Variants in CACNA1B observed in about 807,000 individuals in gnomAD.
CACNA1B encodes calcium voltage-gated channel subunit alpha1 B, also known as voltage-dependent N-type calcium channel subunit alpha-1B.
In CACNA1B, 70 loss-of-function variants were observed where a neutral mutation model predicts 247.2. The ratio of observed to expected loss-of-function variants is 0.28; its 90% confidence interval spans 0.23 to 0.35. The LOEUF (loss-of-function observed/expected upper bound fraction) is 0.35. Ranked by LOEUF, CACNA1B falls within the 10% of genes least tolerant of loss-of-function variation. The pLI is 1.00. For synonymous variants in CACNA1B, 1,231 were observed against 1,294.4 expected (o/e 0.95, Z 1.05); for missense variants, 2,367 against 3,197.4 (o/e 0.74, Z 6.26).
chr9:138,081,099 A>G (rs1370220382), intron 36 of CACNA1B, among the ~76,000 whole-genome samples: 3 of 152,178 alleles, frequency 2.0e-5, no homozygotes, highest in Admixed American at 2.0e-4. Flanking sequence ...CTGGTGCTGT[A>G]AGAACCAGCA....
intron 39 of CACNA1B, among the ~76,000 whole-genome samples, chr9:138,106,940 T>G (rs1411115756): frequency 6.6e-6 from 1 of 152,174 alleles, no homozygotes; most frequent in Non-Finnish European, 1.5e-5. Context: ...ACTCAAAGGC[T>G]GAGGCACATC....
Position 137,957,167 on chromosome 9 carries a change from C to T in CACNA1B, c.1243+340C>T, listed in dbSNP as rs981386116. 6.6e-6 allele frequency among the ~76,000 whole-genome samples: 1 copy of T among 152,238 alleles called. No homozygotes were observed. Among genetic ancestry groups the T allele is most frequent in the African/African-American group, 2.4e-5 (1 of 41,464 alleles). On this transcript the variant is annotated intron_variant, in intron 9 of 46. Coordinates refer to ENST00000371372, the MANE Select transcript of CACNA1B (RefSeq NM_000718.4). The surrounding 1 kb of genome is among the most constrained non-coding windows in gnomAD (Gnocchi z 4.7). ...GCACTAGTTACCAGCATAGCTGCAG[C>T]AGCAGGAAGGCTGCCCTCTCTGCAC...
chr9:138,048,763 G>A (rs1336714644), intron 23 of CACNA1B, among the ~76,000 whole-genome samples: 1 of 152,172 alleles, frequency 6.6e-6, no homozygotes, highest in Non-Finnish European at 1.5e-5. Flanking sequence ...TGTCATCCAG[G>A]CTGGAGTATG....
chr9:138,060,906 T>C (rs954855064), intron 31 of CACNA1B, among the ~76,000 whole-genome samples: 3 of 152,036 alleles, frequency 2.0e-5, no homozygotes, highest in Non-Finnish European at 4.4e-5. Flanking sequence ...CTGATGTTCA[T>C]CATCCCGTCC....
chr9:137,922,494 C>G (rs1957498807), intron 6 of CACNA1B, among the ~76,000 whole-genome samples: 1 of 152,058 alleles, frequency 6.6e-6, no homozygotes, highest in Non-Finnish European at 1.5e-5. Context: ...CGGACTGTTG[C>G]GTTTGATAAG....
intron 10 of CACNA1B, among the ~76,000 whole-genome samples, chr9:137,962,022 A>G (rs1410868051): frequency 6.6e-6 from 1 of 151,958 alleles, no homozygotes; most frequent in Non-Finnish European, 1.5e-5. Context: ...GCTTTTTTTG[A>G]TTGGTAGGCT....
chr9:137,881,950 C>T lies in CACNA1B; in HGVS notation c.391-794C>T, dbSNP rs560942015. ...GAGCTGTGGAAGCCTTGCCTGCAGG[C>T]GCCACGCCCTCTGGGAGGCTCCCTG... On this transcript the variant is annotated intron_variant, in intron 2 of 46. Transcript: ENST00000371372. This position sits in a 1 kb window ranked among gnomAD's most constrained non-coding sequence, Gnocchi z 4.3. Among the ~76,000 whole-genome samples the T allele has an allele frequency of 3.9e-5, 6 of 152,298 alleles. No individual in the cohort carries two copies. The highest frequency in any genetic ancestry group is 3.9e-4 in the East Asian group (2 of 5,180).
At chr9:137,989,703 T>A (rs1958409679) in intron 15 of CACNA1B, among the ~76,000 whole-genome samples, 1 of 152,108 alleles carries the variant, frequency 6.6e-6, no homozygotes, top group South Asian at 2.1e-4. Flanking sequence ...ACAGCTGTGG[T>A]TTAAGCGTGA....
rs570615909 is a variant in CACNA1B, at chr9:138,072,990, G to A, written c.4675-498G>A. 6.6e-6 allele frequency among the ~76,000 whole-genome samples: 1 copy of A among 152,362 alleles called. No homozygotes were observed. Among genetic ancestry groups the A allele is most frequent in the South Asian group, 2.1e-4 (1 of 4,830 alleles). On this transcript the variant is annotated intron_variant, in intron 32 of 46. Transcript: ENST00000371372. This position sits in a 1 kb window ranked among gnomAD's most constrained non-coding sequence, Gnocchi z 4.5. ...CTGCCAGGTCCCAGCGAGGGTCCCA[G>A]GCAAGCGAGGGCTTTGCTGACTGAG...
chr9:137,889,706 C>G (rs1375950837), intron 3 of CACNA1B, among the ~76,000 whole-genome samples: 4 of 148,704 alleles, frequency 2.7e-5, no homozygotes, highest in Non-Finnish European at 6.1e-5. Context: ...CATCGGGCCT[C>G]CATGTCCGTG....
At position 137,882,159 on chromosome 9, in the gene CACNA1B, CG is replaced by C. The variant is rs1211852121; in HGVS notation, c.391-581del. On this transcript the variant is annotated intron_variant, in intron 2 of 46. Transcript: ENST00000371372. The surrounding 1 kb of genome is among the most constrained non-coding windows in gnomAD (Gnocchi z 4.0). ...CCCGGGTGCATGTTGAATGCATAAA[CG>C]GGGCCTGGACTGAGTTCAAGAAAGC... Among the ~76,000 whole-genome samples, 1 of 152,140 alleles carries C rather than the reference CG, an allele frequency of 6.6e-6. No homozygotes were observed. The highest frequency in any genetic ancestry group is 1.9e-4 in the East Asian group (1 of 5,184).
In CACNA1B at chr9:137,984,126, A is replaced by G. The variant is rs766392655; in HGVS notation, c.1657-12A>G. ...ATACGGTGCACCCAAGGCTAATGCC[A>G]TCCCGTTGCAGGTCATCGTGGGGAG... On this transcript the variant is annotated splice_polypyrimidine_tract_variant and intron_variant, in intron 12 of 46. Transcript: ENST00000371372. 6.3e-7 allele frequency: 1 copy of G among 1,579,540 alleles called. No homozygotes were observed. The highest frequency in any genetic ancestry group is 8.6e-7 in the Non-Finnish European group (1 of 1,161,216).
intron 10 of CACNA1B, among the ~76,000 whole-genome samples, chr9:137,968,520 C>T (rs1453104049): frequency 6.6e-6 from 1 of 152,234 alleles, no homozygotes; most frequent in Non-Finnish European, 1.5e-5. Flanking sequence ...ATTAGGGCCT[C>T]CATCAGCTCG....
rs1230868429 is a variant in CACNA1B, at chr9:137,957,145, C to T, written c.1243+318C>T. ...GGCCCCACTGCTGTGGTTGCTGGCACTAGTTACCAGCATAGCTGCAGCAGC... is the reference window on the plus strand; with the variant it reads ...GGCCCCACTGCTGTGGTTGCTGGCATTAGTTACCAGCATAGCTGCAGCAGC... On this transcript the variant is annotated intron_variant, in intron 9 of 46. Coordinates refer to ENST00000371372, the MANE Select transcript of CACNA1B (RefSeq NM_000718.4). This position sits in a 1 kb window ranked among gnomAD's most constrained non-coding sequence, Gnocchi z 4.7. Among the ~76,000 whole-genome samples the T allele has an allele frequency of 1.3e-5, 2 of 152,228 alleles. No individual in the cohort carries two copies. The highest frequency in any genetic ancestry group is 3.9e-4 in the East Asian group (2 of 5,190).
intron 20 of CACNA1B, among the ~76,000 whole-genome samples, chr9:138,038,748 C>G (rs1010976070): frequency 6.6e-6 from 1 of 152,216 alleles, no homozygotes; most frequent in Non-Finnish European, 1.5e-5. Flanking sequence ...TCTGGAAGCC[C>G]GTCTCACCTC....
intron 10 of CACNA1B, among the ~76,000 whole-genome samples, chr9:137,968,560 C>T (rs991704220): frequency 6.6e-6 from 1 of 152,248 alleles, no homozygotes; most frequent in Non-Finnish European, 1.5e-5. Context: ...TTTTGTTGCC[C>T]CCAGTGGCAA....
rs1240076719 is a variant in CACNA1B, at chr9:137,891,874, A to G, written c.530+8991A>G. On this transcript the variant is annotated intron_variant, in intron 3 of 46. Coordinates refer to ENST00000371372, the MANE Select transcript of CACNA1B (RefSeq NM_000718.4). The surrounding 1 kb of genome is among the most constrained non-coding windows in gnomAD (Gnocchi z 4.3). ...AGCAGGTCACATGGTAGCACCCCCC[A>G]CCCAGTCCCTGCCCTCTTCACGACC... The G allele has an allele frequency of 8.3e-6, 3 of 361,896 alleles. No individual in the cohort carries two copies. The highest frequency in any genetic ancestry group is 1.6e-5 in the Non-Finnish European group (3 of 182,318). The allele number at this position is 361,896 out of a possible 1,614,324, so 22.4% of individuals were successfully genotyped here.
chr9:137,927,934 A>G (rs933149542), intron 6 of CACNA1B, among the ~76,000 whole-genome samples: 1 of 152,190 alleles, frequency 6.6e-6, no homozygotes, highest in Non-Finnish European at 1.5e-5. Context: ...GGTGAATTAC[A>G]TTGATTTTTG....
Position 138,023,423 on chromosome 9 carries a change from AAGGAGGCCGCGGGGCCCCCGG to A in CACNA1B, c.2684_2704del (p.Glu895_Glu901del). 7.8e-7 allele frequency: 1 copy of A among 1,287,016 alleles called. No individual in the cohort carries two copies. The highest frequency in any genetic ancestry group is 3.2e-5 in the East Asian group (1 of 31,390). The allele number at this position is 1,287,016 out of a possible 1,614,324, so 79.7% of individuals were successfully genotyped here. A position where few individuals can be genotyped will look rare whatever the true frequency, so the allele number is the denominator to read the frequency against. On this transcript the variant is annotated inframe_deletion, in exon 19 of 47. Transcript: ENST00000371372. ...GCCGCGGCCGCACCGCAGCCACAGC[AAGGAGGCCGCGGGGCCCCCGG>A]AGGCGCGGAGCGAGCGCGGCCGAGG...
Sources: allele counts gnomAD v4.1 joint callset (sites outside exome capture counted in the v4.1 genomes callset), GRCh38; gene constraint gnomAD v4.1.1; non-coding constraint Gnocchi (gnomAD v3.1); transcripts MANE v1.5; gene names NCBI Gene and HGNC (gene_info 2026-07-23, HGNC 2026-07-21).